Variants in CCDC3 observed in about 807,000 individuals in gnomAD.
CCDC3 encodes coiled-coil domain-containing protein 3.
Under a neutral mutation model 21.4 loss-of-function variants are expected in CCDC3, and 24 were observed. That is an observed-to-expected ratio of 1.12 (90% CI 0.81 to 1.58). The LOEUF (loss-of-function observed/expected upper bound fraction) is 1.58. Ranked by LOEUF, CCDC3 falls within the 40% of genes most tolerant of loss-of-function variation. The probability of loss-of-function intolerance (pLI) is 0.00; values close to 1 mark genes in which losing one functional copy is unlikely to be tolerated. For missense variants in CCDC3, 425 were observed against 360.9 expected (o/e 1.18, Z -1.44); for synonymous variants, 186 against 166.0 (o/e 1.12, Z -0.93).
At chr10:12,941,045 C>T (rs541659873) in intron 2 of CCDC3, among the ~76,000 whole-genome samples, 191 of 152,290 alleles carry the variant, frequency 1.3e-3, no homozygotes, top group African/African-American at 4.3e-3. Flanking sequence ...GGGCTGCATT[C>T]CCAGACAATT....
At chr10:13,022,513 G>T (rs1423662139) in intron 5 of CCDC3, among the ~76,000 whole-genome samples, 1 of 152,108 alleles carries the variant, frequency 6.6e-6, no homozygotes, top group Non-Finnish European at 1.5e-5. Context: ...GTGGTATTAG[G>T]TTGGTGCAAA....
chr10:12,932,906 C>CTA (rs1834671245), intron 2 of CCDC3, among the ~76,000 whole-genome samples: 1 of 152,180 alleles, frequency 6.6e-6, no homozygotes, highest in South Asian at 2.1e-4. Context: ...TTTTCTCCAT[C>CTA]TATTGATATG....
At chr10:13,030,723 C>T (rs1024816697) in intron 5 of CCDC3, among the ~76,000 whole-genome samples, 1 of 151,864 alleles carries the variant, frequency 6.6e-6, no homozygotes, top group Non-Finnish European at 1.5e-5. Flanking sequence ...GACTTTAAAC[C>T]AACAAAGATC....
intron 2 of CCDC3, among the ~76,000 whole-genome samples, chr10:12,954,159 G>T (rs1337267021): frequency 6.6e-6 from 1 of 152,156 alleles, no homozygotes; most frequent in Non-Finnish European, 1.5e-5. Flanking sequence ...GTAGCTACAG[G>T]CTATAGTCTA....
intron 2 of CCDC3, among the ~76,000 whole-genome samples, chr10:12,947,362 G>A (rs1834931173): frequency 6.6e-6 from 1 of 152,050 alleles, no homozygotes; most frequent in Admixed American, 6.5e-5. Context: ...TGGCCAGGCT[G>A]GTCTGGAACT....
At chr10:12,927,851 T>C (rs1462669000) in intron 2 of CCDC3, among the ~76,000 whole-genome samples, 2 of 152,252 alleles carry the variant, frequency 1.3e-5, no homozygotes, top group African/African-American at 4.8e-5. Flanking sequence ...AAATTCAGTC[T>C]ACATTTGAAA....
At chr10:13,063,441 G>T (rs2131434236) in intron 4 of CCDC3, among the ~76,000 whole-genome samples, 1 of 152,260 alleles carries the variant, frequency 6.6e-6, no homozygotes, top group East Asian at 1.9e-4. Context: ...TAACATCAGA[G>T]CTCATGACAA....
chr10:12,923,645 A>C (rs574751239), intron 2 of CCDC3, among the ~76,000 whole-genome samples: 2 of 152,010 alleles, frequency 1.3e-5, no homozygotes, highest in South Asian at 4.2e-4. Context: ...TTCCTTTGGG[A>C]TATGCGTCCC....
chr10:12,912,876 C>G (rs543325582), intron 2 of CCDC3, among the ~76,000 whole-genome samples: 15 of 152,318 alleles, frequency 9.8e-5, no homozygotes, highest in South Asian at 4.1e-4. Context: ...GTCCTCTCCC[C>G]GTTGCATGTC....
chr10:13,021,252 C>T (rs1020720875), intron 5 of CCDC3, among the ~76,000 whole-genome samples: 1 of 152,198 alleles, frequency 6.6e-6, no homozygotes, highest in African/African-American at 2.4e-5. Flanking sequence ...TAAAAATACA[C>T]CAATTCAAGG....
chr10:12,958,712 G>T (rs1396171429), intron 2 of CCDC3, among the ~76,000 whole-genome samples: 1 of 152,172 alleles, frequency 6.6e-6, no homozygotes, highest in Non-Finnish European at 1.5e-5. Context: ...GGGAGACCAT[G>T]AGGCCACTGA....
intron 5 of CCDC3, among the ~76,000 whole-genome samples, chr10:13,021,309 A>G (rs1233847620): frequency 6.6e-6 from 1 of 152,210 alleles, no homozygotes; most frequent in Non-Finnish European, 1.5e-5. Context: ...ATCACAGCTT[A>G]ATCTTGCTGT....
intron 2 of CCDC3, among the ~76,000 whole-genome samples, chr10:12,961,788 C>T (rs2131257512): frequency 6.6e-6 from 1 of 152,282 alleles, no homozygotes; most frequent in East Asian, 1.9e-4. Flanking sequence ...TCAGCCCTTT[C>T]CTTGGTTCAT....
intron 3 of CCDC3, among the ~76,000 whole-genome samples, chr10:13,076,271 CA>C (rs1337158228): frequency 1.3e-5 from 2 of 152,156 alleles, no homozygotes; most frequent in African/African-American, 4.8e-5. Context: ...AACAGTAATA[CA>C]TTTAGGATTG....
chr10:13,089,510 T>G (rs1042755367), intron 3 of CCDC3, among the ~76,000 whole-genome samples: 6 of 152,228 alleles, frequency 3.9e-5, no homozygotes, highest in Non-Finnish European at 8.8e-5. Context: ...TGCCCTCTCC[T>G]TCCTGATACT....
At chr10:13,093,176 G>A (rs1247191752) in intron 3 of CCDC3, among the ~76,000 whole-genome samples, 2 of 152,228 alleles carry the variant, frequency 1.3e-5, no homozygotes, top group East Asian at 3.9e-4. Context: ...AAGAAAAAGA[G>A]GTTTAATGGA....
chr10:12,924,571 A>G (rs946371432), intron 2 of CCDC3: 2 of 152,210 alleles, frequency 1.3e-5, no homozygotes, highest in Non-Finnish European at 2.9e-5. Context: ...GCCCAAGGTT[A>G]ACATCCATTT....
chr10:13,079,558 G>A (rs960357282), intron 3 of CCDC3, among the ~76,000 whole-genome samples: 3 of 152,082 alleles, frequency 2.0e-5, no homozygotes, highest in African/African-American at 7.2e-5. Context: ...CCTTAGGTCA[G>A]GACTGAGAAA....
intron 5 of CCDC3, among the ~76,000 whole-genome samples, chr10:13,040,627 T>G (rs1836440951): frequency 6.6e-6 from 1 of 150,748 alleles, no homozygotes; most frequent in South Asian, 2.1e-4. Context: ...GAGGCAGAGG[T>G]TACAGTGAGC....
Sources: gnomAD v4.1 joint callset for allele counts (sites outside exome capture counted in the v4.1 genomes callset) on GRCh38, gnomAD v4.1.1 for gene constraint, MANE v1.5 for transcripts, NCBI Gene and HGNC (gene_info 2026-07-23, HGNC 2026-07-21) for gene names.